CNTNAP5: variants seen among roughly 807,000 people sequenced by gnomAD.
CNTNAP5 encodes contactin associated protein family member 5.
In CNTNAP5, 72 loss-of-function variants were observed where a neutral mutation model predicts 150.2. The ratio of observed to expected loss-of-function variants is 0.48; its 90% CI spans 0.40 to 0.58. The LOEUF (loss-of-function observed/expected upper bound fraction) is 0.58. Ranked by LOEUF, CNTNAP5 falls within the 20% of genes least tolerant of loss-of-function variation. The pLI is 0.00. For synonymous variants in CNTNAP5, 672 were observed against 619.8 expected, an observed-to-expected ratio of 1.08 and a Z score of -1.25; for missense variants, 1,636 against 1,626.2, an observed-to-expected ratio of 1.01 and a Z score of -0.10.
intron 14 of CNTNAP5, among the ~76,000 whole-genome samples, chr2:124,758,101 G>A (rs1019652356): frequency 1.3e-5 from 2 of 152,064 alleles, no homozygotes; most frequent in Non-Finnish European, 2.9e-5. Context: ...CCAAAGCCTA[G>A]GCAGAACCAT....
chr2:124,645,693 G>T (rs936858726), intron 12 of CNTNAP5, among the ~76,000 whole-genome samples: 1 of 152,174 alleles, frequency 6.6e-6, no homozygotes, highest in Non-Finnish European at 1.5e-5. Flanking sequence ...TTTTTGCTGT[G>T]TATTAGGCCA....
chr2:124,492,783 G>A (rs1370319066), intron 7 of CNTNAP5, among the ~76,000 whole-genome samples: 1 of 152,010 alleles, frequency 6.6e-6, no homozygotes, highest in Non-Finnish European at 1.5e-5. Context: ...TGTTGTTAGT[G>A]TATAGAAATT....
intron 16 of CNTNAP5, among the ~76,000 whole-genome samples, chr2:124,765,179 GT>G (rs1398166771): frequency 6.6e-6 from 1 of 152,012 alleles, no homozygotes; most frequent in Non-Finnish European, 1.5e-5. Context: ...TACTGTTAAT[GT>G]TTTTACTTCA....
At chr2:124,696,733 T>A (rs1489689775) in intron 13 of CNTNAP5, among the ~76,000 whole-genome samples, 1 of 152,160 alleles carries the variant, frequency 6.6e-6, no homozygotes, top group Admixed American at 6.6e-5. Context: ...AAATAATACA[T>A]GACGATCTTC....
intron 7 of CNTNAP5, among the ~76,000 whole-genome samples, chr2:124,477,495 A>C (rs1008141653): frequency 6.6e-6 from 1 of 152,088 alleles, no homozygotes; most frequent in African/African-American, 2.4e-5. Flanking sequence ...AGTTAGGATG[A>C]TGCTAGGGAG....
At chr2:124,208,097 A>G (rs559666839) in intron 1 of CNTNAP5, among the ~76,000 whole-genome samples, 2 of 152,306 alleles carry the variant, frequency 1.3e-5, no homozygotes, top group East Asian at 3.9e-4. Flanking sequence ...ATCATTATCT[A>G]GAGGCCTGAA....
At chr2:124,442,202 G>A (rs1255016849) in intron 5 of CNTNAP5, among the ~76,000 whole-genome samples, 3 of 152,168 alleles carry the variant, frequency 2.0e-5, no homozygotes, top group Non-Finnish European at 4.4e-5. Flanking sequence ...TAAAGGTAAA[G>A]TTACTGATGC....
chr2:124,906,584 A>G lies in CNTNAP5; in HGVS notation c.3655+3484A>G, dbSNP rs145221246. Among the ~76,000 whole-genome samples, 386 of 152,236 alleles carry G rather than the reference A, an allele frequency of 2.5e-3. 2 individuals are homozygous for G. The highest frequency in any genetic ancestry group is 8.8e-3 in the African/African-American group (367 of 41,548). ...TCTTATTGCATTAAACAAGTCTAGG[A>G]GATTTTAATATCTTGGGAAATATAT... On this transcript the variant is annotated intron_variant, in intron 22 of 23. Transcript: ENST00000682447.
chr2:124,695,261 G>A (rs1389636554), intron 13 of CNTNAP5, among the ~76,000 whole-genome samples: 1 of 152,142 alleles, frequency 6.6e-6, no homozygotes, highest in Non-Finnish European at 1.5e-5. Flanking sequence ...CACAGCACTT[G>A]CAGTTACAAT....
rs939755754 is a variant in CNTNAP5 at position 124,025,544 on chromosome 2, G to A, written c.-107G>A. 4.4e-6 allele frequency: 4 copies of A among 907,778 alleles called. No homozygotes were observed. Among genetic ancestry groups the A allele is most frequent in the South Asian group, 2.7e-5 (2 of 72,918 alleles). The allele number at this position is 907,778 out of a possible 1,614,324, so 56.2% of individuals were successfully genotyped here. Reference sequence around the variant, plus strand: ...AAGAGCGAGTGCCTCTCCAAGCGGGGGTGGGAGGGGGTCAGGCTGTGCAGA... The same window carrying A: ...AAGAGCGAGTGCCTCTCCAAGCGGGAGTGGGAGGGGGTCAGGCTGTGCAGA... On this transcript the variant is annotated 5_prime_UTR_variant, in exon 1 of 24. Coordinates refer to ENST00000682447, the MANE Select transcript of CNTNAP5 (RefSeq NM_001367498.1).
At chr2:124,185,286 G>T (rs1327447413) in intron 1 of CNTNAP5, among the ~76,000 whole-genome samples, 1 of 152,126 alleles carries the variant, frequency 6.6e-6, no homozygotes, top group African/African-American at 2.4e-5. Context: ...GACCTTGTTT[G>T]GTTTTGGCTT....
At chr2:124,580,012 TTTG>T (rs1377565532) in intron 11 of CNTNAP5, among the ~76,000 whole-genome samples, 1 of 152,184 alleles carries the variant, frequency 6.6e-6, no homozygotes, top group African/African-American at 2.4e-5. Flanking sequence ...CAGGCCAGGT[TTTG>T]TTCTTTGTTT....
Position 124,142,299 on chromosome 2 carries a change from A to T in CNTNAP5, c.83-79406A>T, listed in dbSNP as rs1170467117. The stretch of plus-strand genomic sequence containing the variant: ...TCTGCACCAAGCGGACCTAATAGAC[A>T]TCTACAGAACTCTCCACCCCAAATC... On this transcript the variant is annotated intron_variant, in intron 1 of 23. Coordinates refer to ENST00000682447, the MANE Select transcript of CNTNAP5 (RefSeq NM_001367498.1). Among the ~76,000 whole-genome samples the T allele has an allele frequency of 7.4e-5, 10 of 135,080 alleles. No individual in the cohort carries two copies. In the South Asian group the frequency reaches 2.5e-3, roughly 33 times the overall value. The allele number at this position is 135,080 out of a possible 152,430, so 88.6% of individuals were successfully genotyped here. A position where few individuals can be genotyped will look rare whatever the true frequency, so the allele number is the denominator to read the frequency against.
intron 3 of CNTNAP5, among the ~76,000 whole-genome samples, chr2:124,301,314 C>T (rs1688563271): frequency 6.6e-6 from 1 of 152,200 alleles, no homozygotes; most frequent in African/African-American, 2.4e-5. Flanking sequence ...ATGCCTTTCA[C>T]AATTTGCGAA....
intron 1 of CNTNAP5, among the ~76,000 whole-genome samples, chr2:124,035,146 C>T (rs1309543416): frequency 6.6e-6 from 1 of 151,978 alleles, no homozygotes; most frequent in Non-Finnish European, 1.5e-5. Flanking sequence ...AATTGCCATC[C>T]ACATAGCTCC....
chr2:124,529,641 G>A (rs953615888), intron 10 of CNTNAP5, among the ~76,000 whole-genome samples: 2 of 152,142 alleles, frequency 1.3e-5, no homozygotes, highest in African/African-American at 4.8e-5. Flanking sequence ...TTTTTAATGT[G>A]TTAATCAACG....
intron 1 of CNTNAP5, among the ~76,000 whole-genome samples, chr2:124,028,095 A>T (rs1034949248): frequency 1.8e-4 from 27 of 152,098 alleles, no homozygotes; most frequent in Non-Finnish European, 3.8e-4. Flanking sequence ...TTATTTGGAA[A>T]TTTTTTTACA....
At chr2:124,580,507 C>T (rs1696386643) in intron 11 of CNTNAP5, among the ~76,000 whole-genome samples, 1 of 152,242 alleles carries the variant, frequency 6.6e-6, no homozygotes, top group Admixed American at 6.5e-5. Context: ...ACTGGTGTCT[C>T]TGAGACAAGT....
At chr2:124,479,609 T>A (rs1693720227) in intron 7 of CNTNAP5, among the ~76,000 whole-genome samples, 1 of 152,198 alleles carries the variant, frequency 6.6e-6, no homozygotes, top group African/African-American at 2.4e-5. Context: ...AAATGGGAAT[T>A]GGAATCAGGG....
Sources: gnomAD v4.1 joint callset for allele counts (sites outside exome capture counted in the v4.1 genomes callset) on GRCh38, gnomAD v4.1.1 for gene constraint, MANE v1.5 for transcripts, NCBI Gene and HGNC (gene_info 2026-07-23, HGNC 2026-07-21) for gene names.